Variants in SGCD observed in about 807,000 individuals in gnomAD.
The protein encoded by SGCD is sarcoglycan delta.
Under a neutral mutation model 36.6 loss-of-function variants are expected in SGCD, and 18 were observed. The observed-to-expected ratio is 0.49, with a 90% CI of 0.34 to 0.73. SGCD has a LOEUF of 0.73. Ranked by LOEUF, SGCD falls within the 30% of genes least tolerant of loss-of-function variation. The pLI is 0.01. For missense variants in SGCD, 387 were observed against 346.7 expected (o/e 1.12, Z -0.92); for synonymous variants, 133 against 130.6 (o/e 1.02, Z -0.12).
intron 3 of SGCD, among the ~76,000 whole-genome samples, chr5:156,390,304 C>T (rs1014220358): frequency 2.6e-5 from 4 of 152,104 alleles, no homozygotes; most frequent in Non-Finnish European, 4.4e-5. Context: ...ATGACAACTT[C>T]GTACACATTA....
At chr5:156,511,378 G>C (rs570902638) in intron 4 of SGCD, among the ~76,000 whole-genome samples, 7 of 152,154 alleles carry the variant, frequency 4.6e-5, no homozygotes, top group Non-Finnish European at 8.8e-5. Context: ...CTGCACCATT[G>C]CAACAGTCTC....
intron 1 of SGCD, among the ~76,000 whole-genome samples, chr5:156,012,049 A>G (rs1251231780): frequency 2.6e-5 from 4 of 152,236 alleles, no homozygotes; most frequent in Admixed American, 1.3e-4. Context: ...GGGAGGAGAG[A>G]TATGTCACTA....
At chr5:156,513,613 T>C (rs1757034082) in intron 4 of SGCD, among the ~76,000 whole-genome samples, 1 of 152,222 alleles carries the variant, frequency 6.6e-6, no homozygotes, top group Admixed American at 6.5e-5. Context: ...CTTGACTTCC[T>C]TGTGGTTTTG....
intron 1 of SGCD, among the ~76,000 whole-genome samples, chr5:156,073,472 A>G (rs189326183): frequency 1.2e-4 from 18 of 152,276 alleles, no homozygotes; most frequent in Admixed American, 3.3e-4. Context: ...CTGAGATAGG[A>G]AGATTGCGTG....
chr5:156,230,209 C>T (rs1053091141), intron 3 of SGCD, among the ~76,000 whole-genome samples: 2 of 152,070 alleles, frequency 1.3e-5, no homozygotes, highest in African/African-American at 4.8e-5. Flanking sequence ...GGTTTGGATC[C>T]ATTGCTGGTG....
intron 3 of SGCD, among the ~76,000 whole-genome samples, chr5:156,406,790 T>TTATATATATATATATATATATATATATA (rs200600544): frequency 2.6e-5 from 2 of 75,632 alleles, no homozygotes; most frequent in African/African-American, 5.1e-5. Flanking sequence ...ATAGGAGATT[T>TTATATATATATATATATATATATATATA]TATATATATA....
chr5:156,522,529 C>A (rs1757455780), intron 4 of SGCD, among the ~76,000 whole-genome samples: 1 of 152,030 alleles, frequency 6.6e-6, no homozygotes, highest in African/African-American at 2.4e-5. Flanking sequence ...GGGAGCTGAA[C>A]AATGAGAACA....
intron 3 of SGCD, among the ~76,000 whole-genome samples, chr5:156,442,719 G>T (rs1230118196): frequency 6.6e-6 from 1 of 152,108 alleles, no homozygotes; most frequent in Non-Finnish European, 1.5e-5. Context: ...TAAATGCTTT[G>T]AATTTTATTT....
intron 3 of SGCD, among the ~76,000 whole-genome samples, chr5:156,240,344 A>T (rs1036721292): frequency 6.6e-6 from 1 of 152,206 alleles, no homozygotes; most frequent in African/African-American, 2.4e-5. Flanking sequence ...TTGATCAATA[A>T]TAATTTATTA....
chr5:156,245,037 C>T (rs1765407204), intron 3 of SGCD, among the ~76,000 whole-genome samples: 1 of 152,232 alleles, frequency 6.6e-6, no homozygotes, highest in African/African-American at 2.4e-5. Context: ...TACTCTCACA[C>T]ATGTGTTTCA....
intron 3 of SGCD, among the ~76,000 whole-genome samples, chr5:156,256,389 G>C (rs575845060): frequency 1.3e-5 from 2 of 152,216 alleles, no homozygotes; most frequent in South Asian, 4.1e-4. Flanking sequence ...GATCAGTTTT[G>C]CTGGTATTTG....
chr5:156,475,270 G>T (rs73295175), intron 3 of SGCD, among the ~76,000 whole-genome samples: 30,628 of 151,996 alleles, frequency 0.2, 3,237 homozygotes, highest in Non-Finnish European at 0.23. Context: ...TTCAGCTGCA[G>T]CCACCATTAT....
At chr5:156,723,770 C>T (rs1494543) in intron 7 of SGCD, among the ~76,000 whole-genome samples, 3,792 of 152,130 alleles carry the variant, frequency 0.025, 127 homozygotes, top group African/African-American at 0.075. Flanking sequence ...ATCCAGACAA[C>T]GCAGGGCTTG....
rs537438960 is a variant in SGCD at position 156,197,320 on chromosome 5, C to T, written c.-44+73301C>T. Among the ~76,000 whole-genome samples, 8 of 152,230 alleles carry T rather than the reference C, an allele frequency of 5.3e-5. No homozygotes were observed. In the South Asian group the frequency reaches 1.2e-3, roughly 24 times the overall value. ...GAGGACATGCATTTCCCAGCCCTCA[C>T]GGATTAGTTTGAAACACATATAAAT... On this transcript the variant is annotated intron_variant, in intron 3 of 9. Transcript: ENST00000517913.
the SGCD span, among the ~76,000 whole-genome samples, chr5:155,851,377 C>T: frequency 6.6e-6 from 1 of 151,932 alleles, no homozygotes; most frequent in Admixed American, 6.6e-5. Context: ...AAAGCGAAGG[C>T]ACTTTCCATG....
In SGCD at chr5:156,508,339, C is replaced by T. The variant is rs546475918; in HGVS notation, c.193-262C>T. Among the ~76,000 whole-genome samples, 3 of 152,166 alleles carry T rather than the reference C, an allele frequency of 2.0e-5. No individual in the cohort carries two copies. In the South Asian group the frequency reaches 6.2e-4, roughly 32 times the overall value. ...GCTGCCTAGCAAAATTGCCCCCCAC[C>T]CCAATCTGTGTGTGTGGATGACTAG... On this transcript the variant is annotated intron_variant, in intron 3 of 8. Transcript: ENST00000337851.
At chr5:155,799,932 C>CCTCA in the SGCD span, among the ~76,000 whole-genome samples, 1 of 150,184 alleles carries the variant, frequency 6.7e-6, no homozygotes, top group African/African-American at 2.5e-5. Context: ...TATTCTCCTG[C>CCTCA]CTCAGCCTTC....
chr5:156,288,183 T>C (rs1766665143), intron 3 of SGCD, among the ~76,000 whole-genome samples: 1 of 152,174 alleles, frequency 6.6e-6, no homozygotes, highest in African/African-American at 2.4e-5. Flanking sequence ...TTGGTAGAAC[T>C]CTCGGGAGCT....
chr5:156,278,010 C>G (rs12019319), intron 3 of SGCD, among the ~76,000 whole-genome samples: 3,580 of 151,894 alleles, frequency 0.024, 48 homozygotes, highest in African/African-American at 0.038. Flanking sequence ...ATAATAGGTT[C>G]ATATAAAAGA....
Sources: allele counts gnomAD v4.1 joint callset (sites outside exome capture counted in the v4.1 genomes callset), GRCh38; gene constraint gnomAD v4.1.1; transcripts MANE v1.5; gene names NCBI Gene and HGNC (gene_info 2026-07-23, HGNC 2026-07-21).